The following NTRK3 variants were observed in gnomAD, a reference collection of about 807,000 sequenced individuals.
NTRK3 encodes NT-3 growth factor receptor.
NTRK3 carries 24 observed loss-of-function variants against 91.7 expected under a neutral mutation model. The ratio of observed to expected loss-of-function variants is 0.26; its 90% CI spans 0.19 to 0.37. NTRK3 has a LOEUF of 0.37. Among genes scored for constraint, NTRK3 ranks in the 10% least tolerant of loss-of-function variants. The pLI is 1.00. For synonymous variants in NTRK3, 483 were observed against 404.0 expected (o/e 1.20, Z -2.34); for missense variants, 880 against 1,068.9 (o/e 0.82, Z 2.46).
At chr15:88,146,287 T>C (rs2042884328) in intron 6 of NTRK3, among the ~76,000 whole-genome samples, 1 of 152,138 alleles carries the variant, frequency 6.6e-6, no homozygotes, top group Admixed American at 6.5e-5. Flanking sequence ...GATGCATCCA[T>C]GAAGTCAGGT....
chr15:87,916,412 A>G, intron 17 of NTRK3: 1 of 669,638 alleles, frequency 1.5e-6, no homozygotes, highest in Non-Finnish European at 2.7e-6. Context: ...TGAATGACTC[A>G]ACACCAGATT....
intron 17 of NTRK3, among the ~76,000 whole-genome samples, chr15:87,921,451 AT>A (rs2067863150): frequency 6.6e-6 from 1 of 152,146 alleles, no homozygotes; most frequent in South Asian, 2.1e-4. Context: ...CTAGCTGCTA[AT>A]CCTTTATCAC....
At chr15:88,025,222 C>T (rs2077931843) in intron 14 of NTRK3, among the ~76,000 whole-genome samples, 1 of 152,246 alleles carries the variant, frequency 6.6e-6, no homozygotes, top group Non-Finnish European at 1.5e-5. Context: ...TCTTATGAAG[C>T]TAAACATATT....
intron 13 of NTRK3, among the ~76,000 whole-genome samples, chr15:88,038,887 G>C (rs180770007): frequency 6.6e-6 from 1 of 152,190 alleles, no homozygotes; most frequent in East Asian, 1.9e-4. Flanking sequence ...ACTTGCCTCA[G>C]GGGAAAACTC....
intron 3 of NTRK3, among the ~76,000 whole-genome samples, chr15:88,206,408 C>G (rs1487234082): frequency 6.7e-6 from 1 of 148,696 alleles, no homozygotes; most frequent in Non-Finnish European, 1.5e-5. Context: ...CCTGTAATCC[C>G]AGCACTTTGG....
chr15:88,156,661 A>C (rs1267273724), intron 5 of NTRK3, among the ~76,000 whole-genome samples: 1 of 152,032 alleles, frequency 6.6e-6, no homozygotes, highest in Non-Finnish European at 1.5e-5. Flanking sequence ...CACCCACTCT[A>C]AAATCTTCTT....
chr15:88,138,199 C>A (rs1482728780), intron 6 of NTRK3, among the ~76,000 whole-genome samples: 1 of 151,646 alleles, frequency 6.6e-6, no homozygotes, highest in Non-Finnish European at 1.5e-5. Context: ...GTCAGGAGAT[C>A]GAGACCATCC....
chr15:87,917,069 G>A (rs2067498024), intron 17 of NTRK3, among the ~76,000 whole-genome samples: 1 of 152,174 alleles, frequency 6.6e-6, no homozygotes, highest in South Asian at 2.1e-4. Context: ...TGGCCACAGG[G>A]CCATTTTGGT....
At chr15:88,138,037 G>A (rs981752447) in intron 6 of NTRK3, among the ~76,000 whole-genome samples, 9 of 150,540 alleles carry the variant, frequency 6.0e-5, no homozygotes, top group Admixed American at 2.7e-4. Flanking sequence ...GCAACAGAGC[G>A]AGATTCCGTC....
At chr15:88,201,735 G>A (rs1042468045) in intron 3 of NTRK3, among the ~76,000 whole-genome samples, 3 of 152,100 alleles carry the variant, frequency 2.0e-5, no homozygotes, top group Non-Finnish European at 2.9e-5. Context: ...CTTGGGGTCC[G>A]AATACTTCAG....
chr15:88,183,886 T>C (rs1255259505), intron 4 of NTRK3, among the ~76,000 whole-genome samples: 2 of 152,114 alleles, frequency 1.3e-5, no homozygotes, highest in Non-Finnish European at 2.9e-5. Context: ...GGAAATCTCA[T>C]ACTCCATGGG....
intron 13 of NTRK3, among the ~76,000 whole-genome samples, chr15:88,096,385 G>A (rs531312535): frequency 2.6e-4 from 39 of 152,220 alleles, no homozygotes; most frequent in Non-Finnish European, 5.1e-4. Context: ...ATCAACCAAG[G>A]ATGACCTGGT....
chr15:88,243,053 C>T lies in NTRK3; in HGVS notation c.248+12853G>A, dbSNP rs2052513654. On this transcript the variant is annotated intron_variant, in intron 3 of 18. Coordinates refer to ENST00000394480, the Ensembl canonical transcript of NTRK3. This position sits in a 1 kb window ranked among gnomAD's most constrained non-coding sequence, Gnocchi z 4.8. ...CAGCTGCAGGCCCTAAAAATTAGGC[C>T]CTTCTTTCCACCCTCTTCCTTCAAC... Among the ~76,000 whole-genome samples the T allele has an allele frequency of 6.6e-6, 1 of 152,140 alleles. No individual in the cohort carries two copies. The highest frequency in any genetic ancestry group is 6.5e-5 in the Admixed American group (1 of 15,280).
intron 3 of NTRK3, among the ~76,000 whole-genome samples, chr15:88,248,169 C>T (rs1221836642): frequency 6.6e-6 from 1 of 152,182 alleles, no homozygotes; most frequent in Non-Finnish European, 1.5e-5. Flanking sequence ...TCAGCTGGCA[C>T]CTGTTCTGCT....
chr15:88,126,372 AC>A lies in NTRK3; in HGVS notation c.1294del (p.Val432TyrfsTer3). The A allele has an allele frequency of 6.2e-7, 1 of 1,607,782 alleles. No homozygotes were observed. Among genetic ancestry groups the A allele is most frequent in the Non-Finnish European group, 8.5e-7 (1 of 1,174,514 alleles). ...AGCAGCAAGTCCAACTGCTATGGAT[AC>A]CTGTGAGGAACCAGAAACAGAGAGT... On this transcript the variant is annotated frameshift_variant and splice_region_variant, in exon 13 of 19. Coordinates refer to ENST00000394480, the Ensembl canonical transcript of NTRK3. LOFTEE classifies it high-confidence loss of function.
intron 5 of NTRK3, among the ~76,000 whole-genome samples, chr15:88,159,610 G>A (rs11853913): frequency 0.02 from 3,089 of 152,298 alleles, 91 homozygotes; most frequent in African/African-American, 0.061. Flanking sequence ...CTGCCCTAAA[G>A]AAGTAGACAA....
intron 3 of NTRK3, among the ~76,000 whole-genome samples, chr15:88,207,732 C>T (rs1360013350): frequency 1.0e-4 from 7 of 68,426 alleles, no homozygotes; most frequent in African/African-American, 2.1e-4. Context: ...AGCCAAGGCC[C>T]CTCCTGGCTT....
intron 5 of NTRK3, among the ~76,000 whole-genome samples, chr15:88,169,231 T>C (rs2045285226): frequency 6.6e-6 from 1 of 152,160 alleles, no homozygotes; most frequent in Non-Finnish European, 1.5e-5. Context: ...GTTTGGTTCA[T>C]ATCCTAAGAA....
chr15:87,925,414 GC>G (rs1323611041), intron 17 of NTRK3, among the ~76,000 whole-genome samples: 2 of 149,344 alleles, frequency 1.3e-5, no homozygotes, highest in Non-Finnish European at 3.0e-5. Context: ...TCTGGAATCT[GC>G]ACTGGGCAGG....
Sources: gnomAD v4.1 joint callset for allele counts (sites outside exome capture counted in the v4.1 genomes callset) on GRCh38, gnomAD v4.1.1 for gene constraint, Gnocchi (gnomAD v3.1) non-coding constraint, MANE v1.5 for transcripts, NCBI Gene and HGNC (gene_info 2026-07-23, HGNC 2026-07-21) for gene names.